The following NECTIN1 variants were observed in gnomAD, a reference collection of about 807,000 sequenced individuals.
The protein encoded by NECTIN1 is nectin-1.
Under a neutral mutation model 48.0 loss-of-function variants are expected in NECTIN1, and 23 were observed. The ratio of observed to expected loss-of-function variants is 0.48; its 90% CI spans 0.34 to 0.68. The LOEUF is 0.68. NECTIN1 is among the 30% of genes least tolerant of loss of function. NECTIN1 has a pLI of 0.01. For synonymous variants in NECTIN1, 270 were observed against 288.9 expected (o/e 0.93, Z 0.66); for missense variants, 591 against 709.9 (o/e 0.83, Z 1.90).
intron 1 of NECTIN1, among the ~76,000 whole-genome samples, chr11:119,703,133 C>T (rs1865485033): frequency 6.6e-6 from 1 of 152,206 alleles, no homozygotes; most frequent in Non-Finnish European, 1.5e-5. Context: ...AGGTGATCAA[C>T]AATTAAGAGG....
rs1329362867 is a variant in NECTIN1 at position 119,678,243 on chromosome 11, T to C, written c.430+172A>G. On this transcript the variant is annotated intron_variant, in intron 2 of 5. Transcript: ENST00000264025. This position sits in a 1 kb window ranked among gnomAD's most constrained non-coding sequence, Gnocchi z 4.4. Reference sequence around the variant, plus strand: ...GAGATAAGCCCCTGCCCCTAATCCCTAGTGAATTGTGGGGTGGCCTGGCTA... The same window carrying C: ...GAGATAAGCCCCTGCCCCTAATCCCCAGTGAATTGTGGGGTGGCCTGGCTA... Among the ~76,000 whole-genome samples the C allele has an allele frequency of 6.6e-6, 1 of 152,198 alleles. No homozygotes were observed. The highest frequency in any genetic ancestry group is 1.5e-5 in the Non-Finnish European group (1 of 68,038).
chr11:119,707,222 C>T (rs1452783292), intron 1 of NECTIN1, among the ~76,000 whole-genome samples: 1 of 152,178 alleles, frequency 6.6e-6, no homozygotes, highest in African/African-American at 2.4e-5. Context: ...CAGGCTGCTG[C>T]TCACTCCACC....
At chr11:119,682,725 A>C (rs909341143) in intron 1 of NECTIN1, among the ~76,000 whole-genome samples, 2 of 152,166 alleles carry the variant, frequency 1.3e-5, no homozygotes, top group African/African-American at 4.8e-5. Context: ...GGACAAATGA[A>C]AGGCTCATTA....
At chr11:119,722,398 C>T (rs540376003) in intron 1 of NECTIN1, among the ~76,000 whole-genome samples, 20 of 152,208 alleles carry the variant, frequency 1.3e-4, no homozygotes, top group Non-Finnish European at 2.6e-4. Context: ...TATCATCTCA[C>T]GGGGTGAGTG....
intron 1 of NECTIN1, among the ~76,000 whole-genome samples, chr11:119,695,731 G>A (rs1488389319): frequency 6.6e-6 from 1 of 152,208 alleles, no homozygotes; most frequent in African/African-American, 2.4e-5. Flanking sequence ...GTAAGAGAAA[G>A]GCTGATGGGC....
rs1470796328 is a variant in NECTIN1 at position 119,665,703 on chromosome 11, A to G, written c.1004-406T>C. Among the ~76,000 whole-genome samples, 1 of 152,084 alleles carries G rather than the reference A, an allele frequency of 6.6e-6. No individual in the cohort carries two copies. Among genetic ancestry groups the G allele is most frequent in the Non-Finnish European group, 1.5e-5 (1 of 68,022 alleles). On this transcript the variant is annotated intron_variant, in intron 5 of 5. Coordinates refer to ENST00000264025, the MANE Select transcript of NECTIN1 (RefSeq NM_002855.5). This position sits in a 1 kb window ranked among gnomAD's most constrained non-coding sequence, Gnocchi z 5.1. ...GAGGTATGCCATTCATTCTCATTGG[A>G]TATCTGAGGAGCTGAGGCTTGCAGA...
At chr11:119,670,948 C>A (rs557907571) in intron 5 of NECTIN1, among the ~76,000 whole-genome samples, 5 of 152,004 alleles carry the variant, frequency 3.3e-5, no homozygotes, top group African/African-American at 9.6e-5. Context: ...CAACTTTTTT[C>A]CTTAAGTCTT....
chr11:119,714,342 T>C (rs1482226443), intron 1 of NECTIN1, among the ~76,000 whole-genome samples: 1 of 152,148 alleles, frequency 6.6e-6, no homozygotes, highest in African/African-American at 2.4e-5. Flanking sequence ...CCCAGGGCCA[T>C]GACATGCCAC....
At chr11:119,715,921 T>TG (rs1865736644) in intron 1 of NECTIN1, among the ~76,000 whole-genome samples, 1 of 152,202 alleles carries the variant, frequency 6.6e-6, no homozygotes, top group South Asian at 2.1e-4. Flanking sequence ...CTGGATATTA[T>TG]GTTTGTTGCT....
downstream of NECTIN1, among the ~76,000 whole-genome samples, chr11:119,660,357 C>T (rs1864640182): frequency 6.6e-6 from 1 of 150,382 alleles, no homozygotes; most frequent in Admixed American, 6.6e-5. Flanking sequence ...AACCGAGGAA[C>T]AAGAAGACCT....
intron 5 of NECTIN1, among the ~76,000 whole-genome samples, chr11:119,648,295 G>C (rs867688292): frequency 0.12 from 1,121 of 9,396 alleles, 148 homozygotes; most frequent in East Asian, 0.14. Context: ...GGTGATGGTG[G>C]TGGTGGTGGT....
intron 1 of NECTIN1, 66 bp downstream of exon 1, chr11:119,728,409 C>T: frequency 1.4e-6 from 2 of 1,460,042 alleles, no homozygotes; most frequent in Non-Finnish European, 1.9e-6. Flanking sequence ...TCGTGCCCGC[C>T]ATCCGGCTCC....
At chr11:119,714,809 C>T (rs541122837) in intron 1 of NECTIN1, among the ~76,000 whole-genome samples, 61 of 152,190 alleles carry the variant, frequency 4.0e-4, no homozygotes, top group African/African-American at 1.4e-3. Flanking sequence ...GGAGGGCCCA[C>T]CCACACTGCC....
At chr11:119,646,974 C>T (rs1012562908) in intron 5 of NECTIN1, among the ~76,000 whole-genome samples, 4 of 152,176 alleles carry the variant, frequency 2.6e-5, no homozygotes, top group Non-Finnish European at 4.4e-5. Context: ...AGGGACATGC[C>T]TGCTCCTGTG....
At chr11:119,681,994 G>A (rs549740052) in intron 1 of NECTIN1, among the ~76,000 whole-genome samples, 2 of 152,150 alleles carry the variant, frequency 1.3e-5, no homozygotes, top group East Asian at 3.9e-4. Flanking sequence ...ATTGAGGGTG[G>A]GGACTGGATC....
downstream of NECTIN1, among the ~76,000 whole-genome samples, chr11:119,657,476 G>A (rs1271916819): frequency 6.6e-6 from 1 of 151,810 alleles, no homozygotes; most frequent in South Asian, 2.1e-4. Flanking sequence ...TTAGCTGGGC[G>A]TGGTGGCACG....
In NECTIN1 at chr11:119,662,862, C is replaced by G; in HGVS notation, c.*1885G>C. On this transcript the variant is annotated 3_prime_UTR_variant, in exon 6 of 6. Coordinates refer to ENST00000264025, the MANE Select transcript of NECTIN1 (RefSeq NM_002855.5). The surrounding 1 kb of genome is among the most constrained non-coding windows in gnomAD (Gnocchi z 5.3). ...CAAATGTGTAGAGGGGAGAGCCGCA[C>G]CAGGGCTGGCATGGCTTCAGACTTC... is the stretch of plus-strand genomic sequence containing the variant. The G allele has an allele frequency of 1.0e-6, 1 of 986,134 alleles. No individual in the cohort carries two copies. The highest frequency in any genetic ancestry group is 1.2e-6 in the Non-Finnish European group (1 of 830,152). 61.1% of individuals were successfully genotyped at this position (986,134 alleles called of 1,614,324 possible). A position where few individuals can be genotyped will look rare whatever the true frequency, so the allele number is the denominator to read the frequency against.
rs984233347 is a variant in NECTIN1, at chr11:119,677,304, G to A, written c.734-85C>T. The A allele has an allele frequency of 1.4e-5, 17 of 1,249,862 alleles. No homozygotes were observed. Among genetic ancestry groups the A allele is most frequent in the Non-Finnish European group, 1.9e-5 (16 of 853,090 alleles). The allele number at this position is 1,249,862 out of a possible 1,614,324, so 77.4% of individuals were successfully genotyped here. The stretch of plus-strand genomic sequence containing the variant: ...GAACTTCAGCCAGGAAGGGATGGAA[G>A]GAGCAGTGGCATGGAAACAGCCAGG... On this transcript the variant is annotated intron_variant, in intron 3 of 5. Coordinates refer to ENST00000264025, the MANE Select transcript of NECTIN1 (RefSeq NM_002855.5). This position sits in a 1 kb window ranked among gnomAD's most constrained non-coding sequence, Gnocchi z 5.4.
chr11:119,728,730 C>A lies in NECTIN1; in HGVS notation c.-177G>T. On this transcript the variant is annotated 5_prime_UTR_variant, in exon 1 of 6. Coordinates refer to ENST00000264025, the MANE Select transcript of NECTIN1 (RefSeq NM_002855.5). ...GGGTGGGATCCGCGCGGCCGCAGTC[C>A]GGGCCCCGGGCCGCCGCCGGCTCAG... 4.4e-6 allele frequency: 2 copies of A among 458,138 alleles called. No homozygotes were observed. Among genetic ancestry groups the A allele is most frequent in the South Asian group, 4.0e-5 (1 of 24,852 alleles). The allele number at this position is 458,138 out of a possible 1,614,324, so 28.4% of individuals were successfully genotyped here. A position where few individuals can be genotyped will look rare whatever the true frequency, so the allele number is the denominator to read the frequency against.
Sources: gnomAD v4.1 joint callset for allele counts (sites outside exome capture counted in the v4.1 genomes callset) on GRCh38, gnomAD v4.1.1 for gene constraint, Gnocchi (gnomAD v3.1) non-coding constraint, MANE v1.5 for transcripts, NCBI Gene and HGNC (gene_info 2026-07-23, HGNC 2026-07-21) for gene names.